SIK3: variants seen among roughly 807,000 people sequenced by gnomAD.
SIK3 encodes serine/threonine-protein kinase SIK3.
A neutral mutation model predicts 144.2 loss-of-function variants in SIK3; 28 were observed. The observed-to-expected ratio is 0.19, with a 90% CI of 0.14 to 0.27. SIK3 has a LOEUF of 0.27. Ranked by LOEUF, SIK3 falls within the 10% of genes least tolerant of loss-of-function variation. The pLI, the probability that SIK3 is intolerant of heterozygous loss-of-function variation, is 1.00. For synonymous variants in SIK3, 686 were observed against 676.3 expected (o/e 1.01, Z -0.22); for missense variants, 1,319 against 1,776.0 (o/e 0.74, Z 4.62).
intron 4 of SIK3, among the ~76,000 whole-genome samples, chr11:116,901,092 C>T (rs1056730769): frequency 1.3e-5 from 2 of 152,000 alleles, no homozygotes; most frequent in African/African-American, 4.8e-5. Flanking sequence ...CTCGAACTCC[C>T]GACATCAGGT....
At chr11:116,977,933 T>G (rs149178308) in intron 1 of SIK3, among the ~76,000 whole-genome samples, 9 of 152,206 alleles carry the variant, frequency 5.9e-5, no homozygotes, top group African/African-American at 2.2e-4. Context: ...AATTACTATC[T>G]GCAAGCCGGG....
intron 2 of SIK3, 108 bp from the exon 3 acceptor site, chr11:116,954,215 T>C (rs924673927): frequency 2.2e-5 from 17 of 779,598 alleles, no homozygotes; most frequent in South Asian, 1.2e-4. Flanking sequence ...ATAACCACTA[T>C]AGATTAAAGA....
At chr11:117,040,331 A>C (rs1952683490) in intron 1 of SIK3, among the ~76,000 whole-genome samples, 1 of 152,236 alleles carries the variant, frequency 6.6e-6, no homozygotes, top group East Asian at 1.9e-4. Context: ...AGCATTTAGA[A>C]CTGTGCTCGT....
chr11:116,985,250 A>G (rs768423418), intron 1 of SIK3, among the ~76,000 whole-genome samples: 1 of 152,204 alleles, frequency 6.6e-6, no homozygotes, highest in African/African-American at 2.4e-5. Flanking sequence ...TGCAGCTCCA[A>G]TTATAAGTGA....
At chr11:117,081,551 G>A (rs1484813690) in intron 1 of SIK3, among the ~76,000 whole-genome samples, 3 of 152,202 alleles carry the variant, frequency 2.0e-5, no homozygotes, top group Non-Finnish European at 4.4e-5. Context: ...ATGAACCTGG[G>A]AGGCGGAGCT....
At chr11:117,006,424 A>C (rs1367518910) in intron 1 of SIK3, among the ~76,000 whole-genome samples, 1 of 151,866 alleles carries the variant, frequency 6.6e-6, no homozygotes, top group Non-Finnish European at 1.5e-5. Context: ...CTCCACTTGG[A>C]GACTACTCAA....
At position 116,849,186 on chromosome 11, in the gene SIK3, G is replaced by A. The variant is rs1393534276; in HGVS notation, c.3753C>T (p.Val1251=). 4 of 1,614,094 alleles carry A rather than the reference G, an allele frequency of 2.5e-6. No individual in the cohort carries two copies. Among genetic ancestry groups the A allele is most frequent in the East Asian group, 4.5e-5 (2 of 44,884 alleles). The change falls in exon 22 of 25, where the codon GTC becomes GTT. Residue 1251 remains valine, a synonymous_variant. Transcript: ENST00000445177. This position sits in a 1 kb window ranked among gnomAD's most constrained non-coding sequence, Gnocchi z 4.2. ...NGLGYPARPS[V]HEHHRPRALQ... ...GGGCCCGGGGCCTGTGGTGCTCATGGACGGAGGGGCGTGCTGGGTACCCGA... is the reference window on the plus strand; with the variant it reads ...GGGCCCGGGGCCTGTGGTGCTCATGAACGGAGGGGCGTGCTGGGTACCCGA...
intron 1 of SIK3, among the ~76,000 whole-genome samples, chr11:116,978,249 C>A (rs1201126015): frequency 1.3e-5 from 2 of 152,034 alleles, no homozygotes; most frequent in Non-Finnish European, 2.9e-5. Context: ...TACCAAAAGT[C>A]TTCTTCAGAA....
chr11:116,853,517 G>A (rs75771311), intron 21 of SIK3, among the ~76,000 whole-genome samples: 3,840 of 152,294 alleles, frequency 0.025, 87 homozygotes, highest in South Asian at 0.11. Flanking sequence ...CCACCTTCCC[G>A]GGGAACTTTG....
chr11:117,073,543 G>A (rs559807000), intron 1 of SIK3, among the ~76,000 whole-genome samples: 1 of 152,254 alleles, frequency 6.6e-6, no homozygotes, highest in Non-Finnish European at 1.5e-5. Flanking sequence ...ATAGAAATTA[G>A]GTAAAACAAT....
rs374241141 is a variant in SIK3, at chr11:116,947,569, A to ATGTATGTATGTATT, written c.454+6474_454+6475insAATACATACATACA. Among the ~76,000 whole-genome samples the ATGTATGTATGTATT allele has an allele frequency of 1.6e-3, 172 of 109,418 alleles. 1 individual carries two copies. The highest frequency in any genetic ancestry group is 1.8e-3 in the Non-Finnish European group (97 of 53,360). The allele number at this position is 109,418 out of a possible 152,430, so 71.8% of individuals were successfully genotyped here. On this transcript the variant is annotated intron_variant, in intron 3 of 24. Coordinates refer to ENST00000445177, the MANE Select transcript of SIK3 (RefSeq NM_001366686.3). ...TATGTATGTATGTATGTATGTATGT[A>ATGTATGTATGTATT]TTTTTTTTTTTTTTGAGACAGAGTC...
At chr11:116,902,738 T>A (rs572650307) in intron 4 of SIK3, among the ~76,000 whole-genome samples, 10 of 152,354 alleles carry the variant, frequency 6.6e-5, no homozygotes, top group African/African-American at 2.4e-4. Context: ...ATTCCAAGTA[T>A]TGTTACTCCC....
intron 1 of SIK3, among the ~76,000 whole-genome samples, chr11:117,086,515 C>A (rs1300388863): frequency 1.3e-5 from 2 of 151,896 alleles, no homozygotes; most frequent in African/African-American, 2.4e-5. Context: ...ATGGTGAAAC[C>A]CCGTCTCTAC....
At chr11:116,953,416 G>A (rs1591415615) in intron 3 of SIK3, among the ~76,000 whole-genome samples, 1 of 152,192 alleles carries the variant, frequency 6.6e-6, no homozygotes. Context: ...ATTTATCACT[G>A]TTAGAAAAAA....
chr11:116,999,641 T>C (rs1419856726), intron 1 of SIK3, among the ~76,000 whole-genome samples: 2 of 152,120 alleles, frequency 1.3e-5, no homozygotes, highest in African/African-American at 4.8e-5. Flanking sequence ...ACCAGGCTGG[T>C]CTCAAACTCC....
At chr11:117,033,662 T>C (rs1281068484) in intron 1 of SIK3, among the ~76,000 whole-genome samples, 2 of 139,746 alleles carry the variant, frequency 1.4e-5, no homozygotes, top group Non-Finnish European at 3.0e-5. Context: ...TGAGCAGAGA[T>C]TGCGCCACTG....
At chr11:116,934,737 CA>C (rs1947811420) in intron 3 of SIK3, among the ~76,000 whole-genome samples, 1 of 151,554 alleles carries the variant, frequency 6.6e-6, no homozygotes, top group Non-Finnish European at 1.5e-5. Flanking sequence ...ACTTAAAGAC[CA>C]GCCTGAACAG....
intron 1 of SIK3, among the ~76,000 whole-genome samples, chr11:117,094,140 C>A (rs1955367653): frequency 1.3e-5 from 2 of 152,098 alleles, no homozygotes; most frequent in South Asian, 4.1e-4. Flanking sequence ...CTTCTCACAG[C>A]CTAAAAATAT....
chr11:116,846,703 G>A lies in SIK3; in HGVS notation c.3953-150C>T. The A allele has an allele frequency of 2.4e-6, 2 of 822,340 alleles. No individual in the cohort carries two copies. Among genetic ancestry groups the A allele is most frequent in the East Asian group, 2.7e-5 (1 of 37,552 alleles). 50.9% of individuals were successfully genotyped at this position (822,340 alleles called of 1,614,324 possible). On this transcript the variant is annotated intron_variant, in intron 23 of 24. Transcript: ENST00000445177. This position sits in a 1 kb window ranked among gnomAD's most constrained non-coding sequence, Gnocchi z 4.1. The stretch of plus-strand genomic sequence containing the variant: ...ATTCTAGCTCACAGCAGGCCCTCAA[G>A]GTGTTGAGTGACGATGGGCGGGGGC...
Sources: gnomAD v4.1 joint callset for allele counts (sites outside exome capture counted in the v4.1 genomes callset) on GRCh38, gnomAD v4.1.1 for gene constraint, Gnocchi (gnomAD v3.1) non-coding constraint, MANE v1.5 for transcripts, NCBI Gene and HGNC (gene_info 2026-07-23, HGNC 2026-07-21) for gene names.